STEAP3: variants seen among roughly 807,000 people sequenced by gnomAD.
STEAP3 encodes the protein STEAP3 metalloreductase, also known as metalloreductase STEAP3.
In STEAP3, 35 loss-of-function variants were observed where a neutral mutation model predicts 34.9. The ratio of observed to expected loss-of-function variants is 1.00; its 90% CI spans 0.76 to 1.33. The LOEUF (loss-of-function observed/expected upper bound fraction) is 1.33. Among genes scored for constraint, STEAP3 ranks in the 40% most tolerant of loss-of-function variants. The pLI, the probability that STEAP3 is intolerant of heterozygous loss-of-function variation, is 0.00. For synonymous variants in STEAP3, 281 were observed against 301.6 expected, an observed-to-expected ratio of 0.93 and a Z score of 0.71; for missense variants, 652 against 667.6, an observed-to-expected ratio of 0.98 and a Z score of 0.26.
rs1465343332 is a variant in STEAP3, at chr2:119,248,064, A to G, written c.908A>G (p.Asp303Gly). ...GGCACCAAGTACCAGCGCTTCCCCG[A>G]CTGGCTGGACCACTGGCTACAGCAC... ...RRGTKYQRFP[D>G]WLDHWLQHRK... The change falls in exon 4 of 6, where the codon GAC becomes GGC. Residue 303 changes from aspartate (D) to glycine (G), a missense_variant. Physicochemically the swap from Asp to Gly is moderately conservative, Grantham distance 94. Transcript: ENST00000393110. The G allele has an allele frequency of 1.2e-6, 2 of 1,608,526 alleles. No individual in the cohort carries two copies. Among genetic ancestry groups the G allele is most frequent in the South Asian group, 2.2e-5 (2 of 91,070 alleles).
chr2:119,235,919 G>C (rs1677081681), intron 2 of STEAP3, among the ~76,000 whole-genome samples: 1 of 152,164 alleles, frequency 6.6e-6, no homozygotes, highest in Non-Finnish European at 1.5e-5. Flanking sequence ...CCAGTGCCCA[G>C]CCACCAGGGC....
At chr2:119,243,475 C>T (rs992343205) in intron 2 of STEAP3, among the ~76,000 whole-genome samples, 1 of 152,164 alleles carries the variant, frequency 6.6e-6, no homozygotes, top group Non-Finnish European at 1.5e-5. Context: ...AAACAAGTTC[C>T]TGAGCCTCCC....
Position 119,245,910 on chromosome 2 carries a change from C to T in STEAP3, c.444C>T (p.Pro148=), listed in dbSNP as rs1170560969. The change falls in exon 3 of 6, where the codon CCC becomes CCT. Residue 148 remains proline, a synonymous_variant. Transcript: ENST00000393110. ...CTGAGTACCTGGCCTCCCTCTTCCCCACTTGCACAGTGGTCAAGGCCTTCA... is the reference window on the plus strand; with the variant it reads ...CTGAGTACCTGGCCTCCCTCTTCCCTACTTGCACAGTGGTCAAGGCCTTCA... ...SNAEYLASLF[P]TCTVVKAFNV... is the part of the protein sequence containing the mutation. 1 of 1,613,888 alleles carries T rather than the reference C, an allele frequency of 6.2e-7. No homozygotes were observed. The highest frequency in any genetic ancestry group is 8.5e-7 in the Non-Finnish European group (1 of 1,180,048).
At chr2:119,225,863 A>C (rs137981990) in intron 1 of STEAP3, among the ~76,000 whole-genome samples, 2 of 152,356 alleles carry the variant, frequency 1.3e-5, no homozygotes, top group Admixed American at 6.5e-5. Flanking sequence ...GGATATCCTC[A>C]TAAAACAAGT....
intron 2 of STEAP3, among the ~76,000 whole-genome samples, chr2:119,241,486 G>A (rs190794320): frequency 2.0e-5 from 3 of 152,344 alleles, no homozygotes; most frequent in East Asian, 1.9e-4. Context: ...GGTGCTTAAC[G>A]TTTAGTTTGC....
chr2:119,233,171 G>A (rs1448760731), intron 2 of STEAP3, among the ~76,000 whole-genome samples: 1 of 152,158 alleles, frequency 6.6e-6, no homozygotes, highest in Non-Finnish European at 1.5e-5. Context: ...TGGTTGCCAT[G>A]CCCTGGCCCA....
chr2:119,240,827 C>A (rs1046059766), intron 2 of STEAP3, among the ~76,000 whole-genome samples: 1 of 152,128 alleles, frequency 6.6e-6, no homozygotes, highest in African/African-American at 2.4e-5. Flanking sequence ...ATAAATAGAA[C>A]CCCCAGGGAG....
chr2:119,258,251 T>C (rs1366340294), intron 5 of STEAP3, among the ~76,000 whole-genome samples: 7 of 144,340 alleles, frequency 4.8e-5, no homozygotes, highest in Non-Finnish European at 1.1e-4. Context: ...ACGAGGTCAC[T>C]CTCGTTGCCA....
At chr2:119,229,866 A>T (rs1679161407) in intron 1 of STEAP3, among the ~76,000 whole-genome samples, 1 of 152,148 alleles carries the variant, frequency 6.6e-6, no homozygotes, top group Admixed American at 6.5e-5. Flanking sequence ...CCCTGCCTAC[A>T]GGCCTGTGTT....
intron 1 of STEAP3, among the ~76,000 whole-genome samples, chr2:119,225,119 T>C (rs1029020329): frequency 6.6e-6 from 1 of 152,176 alleles, no homozygotes; most frequent in African/African-American, 2.4e-5. Context: ...GTCCTCTCAG[T>C]CACCTGCAAG....
intron 5 of STEAP3, chr2:119,257,706 C>T (rs991159169): frequency 3.6e-6 from 5 of 1,402,002 alleles, no homozygotes; most frequent in Middle Eastern, 1.8e-4. Flanking sequence ...GCAACCTTCT[C>T]CTTTAAAGTT....
At chr2:119,233,804 G>C (rs1025793520) in intron 2 of STEAP3, among the ~76,000 whole-genome samples, 1 of 152,178 alleles carries the variant, frequency 6.6e-6, no homozygotes, top group African/African-American at 2.4e-5. Flanking sequence ...TGCTCCCCGG[G>C]CTGCCTGGAC....
intron 2 of STEAP3, among the ~76,000 whole-genome samples, chr2:119,236,488 C>T (rs1047533627): frequency 2.0e-5 from 3 of 152,138 alleles, no homozygotes; most frequent in Non-Finnish European, 4.4e-5. Context: ...AGTGTTCTAA[C>T]GTTTTGCTGA....
intron 1 of STEAP3, among the ~76,000 whole-genome samples, chr2:119,227,186 CAT>C (rs58998581): frequency 0.038 from 5,801 of 152,240 alleles, 339 homozygotes; most frequent in South Asian, 0.17. Flanking sequence ...ACCTATAGCT[CAT>C]GTGAGTGAGC....
At chr2:119,229,042 C>A (rs917267752) in intron 1 of STEAP3, among the ~76,000 whole-genome samples, 2 of 152,232 alleles carry the variant, frequency 1.3e-5, no homozygotes, top group African/African-American at 4.8e-5. Flanking sequence ...GAGTCCTATC[C>A]ACCCCACACC....
intron 2 of STEAP3, among the ~76,000 whole-genome samples, chr2:119,235,000 A>G (rs971129616): frequency 2.0e-5 from 3 of 152,148 alleles, no homozygotes; most frequent in Non-Finnish European, 4.4e-5. Flanking sequence ...AGATTCCTGG[A>G]TGGCAGGCAG....
At chr2:119,226,408 G>A (rs1232468159) in intron 1 of STEAP3, among the ~76,000 whole-genome samples, 1 of 152,188 alleles carries the variant, frequency 6.6e-6, no homozygotes, top group Non-Finnish European at 1.5e-5. Context: ...GATTTAAAAT[G>A]AGGATGTTTA....
intron 2 of STEAP3, among the ~76,000 whole-genome samples, chr2:119,242,500 A>G (rs559108414): frequency 6.6e-6 from 1 of 152,290 alleles, no homozygotes; most frequent in Non-Finnish European, 1.5e-5. Flanking sequence ...CTGGGCTGAC[A>G]TAACTGTCAC....
Position 119,263,368 on chromosome 2 carries a change from C to T in STEAP3, c.*30C>T, listed in dbSNP as rs963767138. On this transcript the variant is annotated 3_prime_UTR_variant, in exon 6 of 6. Coordinates refer to ENST00000393110, the MANE Select transcript of STEAP3 (RefSeq NM_182915.3). Reference sequence around the variant, plus strand: ...CCTGCCCTGGGCTCTGGACCCCGGGCACACGAGGGACGGTGCCCTGAGCCC... The same window carrying T: ...CCTGCCCTGGGCTCTGGACCCCGGGTACACGAGGGACGGTGCCCTGAGCCC... 1 of 1,602,590 alleles carries T rather than the reference C, an allele frequency of 6.2e-7. No homozygotes were observed. The highest frequency in any genetic ancestry group is 8.5e-7 in the Non-Finnish European group (1 of 1,174,978).
Sources: allele counts gnomAD v4.1 joint callset (sites outside exome capture counted in the v4.1 genomes callset), GRCh38; gene constraint gnomAD v4.1.1; transcripts MANE v1.5; gene names NCBI Gene and HGNC (gene_info 2026-07-23, HGNC 2026-07-21).